PHF20L1: variants seen among roughly 807,000 people sequenced by gnomAD.
PHF20L1 encodes PHD finger protein 20 like 1.
A neutral mutation model predicts 125.5 loss-of-function variants in PHF20L1; 44 were observed. That is an observed-to-expected ratio of 0.35 (90% CI 0.28 to 0.45). The LOEUF is 0.45. Ranked by LOEUF, PHF20L1 falls within the 20% of genes least tolerant of loss-of-function variation. The pLI, the probability that PHF20L1 is intolerant of heterozygous loss-of-function variation, is 1.00. For synonymous variants in PHF20L1, 380 were observed against 403.1 expected (o/e 0.94, Z 0.69); for missense variants, 1,012 against 1,217.2 (o/e 0.83, Z 2.51).
chr8:132,789,322 A>G (rs1218851207), intron 2 of PHF20L1, among the ~76,000 whole-genome samples: 2 of 152,132 alleles, frequency 1.3e-5, no homozygotes, highest in South Asian at 2.1e-4. Context: ...AGATAATGCA[A>G]TAATATGCTA....
chr8:132,814,600 C>A, intron 9 of PHF20L1, 37 bp from the exon 10 acceptor site: 2 of 1,432,336 alleles, frequency 1.4e-6, no homozygotes, highest in Non-Finnish European at 1.9e-6. Flanking sequence ...AATGAAGAAG[C>A]CAAAATAAAA....
At chr8:132,802,577 G>T (rs1833204712) in intron 6 of PHF20L1, among the ~76,000 whole-genome samples, 1 of 151,740 alleles carries the variant, frequency 6.6e-6, no homozygotes, top group Non-Finnish European at 1.5e-5. Context: ...GCGGTCGCTT[G>T]AATGCTTAGC....
intron 15 of PHF20L1, among the ~76,000 whole-genome samples, chr8:132,836,041 A>G (rs1192937903): frequency 1.3e-5 from 2 of 152,044 alleles, no homozygotes; most frequent in Admixed American, 1.3e-4. Flanking sequence ...TTATTAATCC[A>G]AAAAAGAAAG....
At chr8:132,816,310 A>G (rs1834974491) in intron 10 of PHF20L1, 1 of 151,612 alleles carries the variant, frequency 6.6e-6, no homozygotes, top group Non-Finnish European at 1.5e-5. Context: ...TAAGTATACA[A>G]AGTTGTTTTT....
Position 132,824,016 on chromosome 8 carries a change from C to A in PHF20L1, c.1592C>A (p.Thr531Lys). 1.3e-6 allele frequency: 2 copies of A among 1,593,646 alleles called. No homozygotes were observed. The highest frequency in any genetic ancestry group is 1.7e-6 in the Non-Finnish European group (2 of 1,166,068). ...GAPAAAGISK[T>K]EKKVKLEDKS... ...CCCTAACCCACAGGAATATCGAAAA[C>A]AGAAAAAAAAGTGAAATTGGAAGAC... is the stretch of plus-strand genomic sequence containing the variant. Residue 531 changes from threonine to lysine, a missense_variant, in exon 13 of 21, where the codon ACA (threonine) becomes AAA (lysine). Thr to Lys is a moderately conservative substitution (Grantham distance 78). Around this residue, in one of 7 missense-constraint regions of PHF20L1, gnomAD observed 320 missense variants for 293.8 expected, o/e 1.09. Coordinates refer to ENST00000395386, the MANE Select transcript of PHF20L1 (RefSeq NM_016018.5).
chr8:132,810,930 A>G (rs1409381528), intron 8 of PHF20L1, 116 bp from the exon 9 acceptor site: 4 of 712,316 alleles, frequency 5.6e-6, no homozygotes, highest in Admixed American at 4.1e-5. Flanking sequence ...ATTTGAGATT[A>G]CTTCCTACGT....
chr8:132,842,527 T>G lies in PHF20L1; in HGVS notation c.2400T>G (p.His800Gln). 1.2e-6 allele frequency: 2 copies of G among 1,602,966 alleles called. No individual in the cohort carries two copies. Among genetic ancestry groups the G allele is most frequent in the Non-Finnish European group, 1.7e-6 (2 of 1,176,852 alleles). ...ACTTTGTTTTAAGGAATAAACATCA[T>G]CCTGACCTTCATCTCTGGGCTTGTT... ...LKIGILKNKH[H>Q]PDLHLWACSG... Residue 800 changes from histidine to glutamine, a missense_variant, in exon 19 of 21, where the codon CAT (histidine) becomes CAG (glutamine). His to Gln is a conservative substitution (Grantham distance 24). Around this residue, in one of 7 missense-constraint regions of PHF20L1, gnomAD observed 277 missense variants for 283.6 expected, o/e 0.98. Transcript: ENST00000395386.
intron 12 of PHF20L1, among the ~76,000 whole-genome samples, chr8:132,819,964 T>C (rs770693435): frequency 1.3e-5 from 2 of 151,926 alleles, no homozygotes; most frequent in Non-Finnish European, 2.9e-5. Context: ...CTGTTGAGTT[T>C]AGCATTTGAT....
At chr8:132,823,931 T>G (rs1835873519) in intron 12 of PHF20L1, 73 bp from the exon 13 acceptor site, 3 of 839,486 alleles carry the variant, frequency 3.6e-6, no homozygotes, top group South Asian at 3.3e-5. Context: ...TATGAGCAAT[T>G]GTAATGTAAA....
rs756032253 is a variant in PHF20L1, at chr8:132,842,769, G to T, written c.2642G>T (p.Ser881Ile). The change falls in exon 19 of 21, where the codon AGC becomes ATC. Residue 881 changes from serine to isoleucine, a missense_variant. By Grantham distance (142) the Ser-to-Ile change is moderately radical. Coordinates refer to ENST00000395386, the MANE Select transcript of PHF20L1 (RefSeq NM_016018.5). ...TGTAAATCTCTCGCAGACCCTGGGA[G>T]CTCAGATGATGATGATGTTAGTAGT... ...QDCKSLADPG[S>I]SDDDDVSSLE... The T allele has an allele frequency of 4.5e-5, 73 of 1,613,254 alleles. No individual in the cohort carries two copies. Among genetic ancestry groups the T allele is most frequent in the Non-Finnish European group, 6.0e-5 (71 of 1,179,582 alleles).
chr8:132,779,081 G>T (rs1452505135), intron 2 of PHF20L1, among the ~76,000 whole-genome samples: 4 of 152,162 alleles, frequency 2.6e-5, no homozygotes, highest in African/African-American at 7.2e-5. Flanking sequence ...GTTAGAGCTT[G>T]GCACATATCT....
intron 8 of PHF20L1, chr8:132,807,760 T>C (rs1197984765): frequency 2.2e-6 from 1 of 455,778 alleles, no homozygotes; most frequent in East Asian, 6.9e-5. Flanking sequence ...TAATATAGAA[T>C]ACTGGAAGGT....
At position 132,825,620 on chromosome 8, in the gene PHF20L1, T is replaced by C. The variant is rs367706847; in HGVS notation, c.1744+249T>C. On this transcript the variant is annotated intron_variant, in intron 14 of 20. Transcript: ENST00000395386. Reference sequence around the variant, plus strand: ...TTAGACATTTTTCCTTCCAGCATTATGGTAGACTCGATGCCCTGACCAAGC... The same window carrying C: ...TTAGACATTTTTCCTTCCAGCATTACGGTAGACTCGATGCCCTGACCAAGC... 5.4e-4 allele frequency among the ~76,000 whole-genome samples: 82 copies of C among 152,194 alleles called. 1 individual carries two copies. Among genetic ancestry groups the C allele is most frequent in the African/African-American group, 1.9e-3 (80 of 41,556 alleles).
intron 9 of PHF20L1, chr8:132,812,201 T>G: frequency 2.0e-6 from 2 of 978,894 alleles, no homozygotes; most frequent in Non-Finnish European, 2.4e-6. Flanking sequence ...TTACTGTGTA[T>G]TACTATATTC....
intron 20 of PHF20L1, among the ~76,000 whole-genome samples, chr8:132,845,559 A>G (rs933151259): frequency 6.6e-6 from 1 of 152,050 alleles, no homozygotes; most frequent in African/African-American, 2.4e-5. Flanking sequence ...TAAAGGGGAA[A>G]ATTATCTTAA....
In PHF20L1 at chr8:132,782,797, C is replaced by T. The variant is rs143406105; in HGVS notation, c.83+4886C>T. On this transcript the variant is annotated intron_variant, in intron 2 of 20. Coordinates refer to ENST00000395386, the MANE Select transcript of PHF20L1 (RefSeq NM_016018.5). ...CTTTTTTTTTTTTTGGTAGAGAAAG[C>T]GATCTCTCTGTGTTGCCCAGGCTGG... Among the ~76,000 whole-genome samples the T allele has an allele frequency of 4.5e-3, 678 of 150,350 alleles. 6 individuals carry two copies. The highest frequency in any genetic ancestry group is 0.016 in the African/African-American group (653 of 40,998).
At chr8:132,778,833 C>G (rs1830110316) in intron 2 of PHF20L1, among the ~76,000 whole-genome samples, 1 of 152,186 alleles carries the variant, frequency 6.6e-6, no homozygotes, top group South Asian at 2.1e-4. Context: ...GCTGCCTTTG[C>G]TCCTCCTGAA....
intron 8 of PHF20L1, chr8:132,808,536 G>A (rs1456342513): frequency 1.3e-5 from 2 of 152,096 alleles, no homozygotes; most frequent in East Asian, 3.9e-4. Context: ...TGTTTGAATA[G>A]TCCTTAGAAA....
At position 132,800,828 on chromosome 8, in the gene PHF20L1, G is replaced by T. The variant is rs1313952970; in HGVS notation, c.507+1656G>T. ...TTAAAGAGCTTTTAATATTACAGTG[G>T]GTGCAATGTGAGCTGTAGTCCTTCT... On this transcript the variant is annotated intron_variant, in intron 6 of 20. Coordinates refer to ENST00000395386, the MANE Select transcript of PHF20L1 (RefSeq NM_016018.5). Among the ~76,000 whole-genome samples, 8 of 151,404 alleles carry T rather than the reference G, an allele frequency of 5.3e-5. No individual in the cohort carries two copies. In the Admixed American group the frequency reaches 5.3e-4, roughly 10 times the overall value.
Sources: allele counts gnomAD v4.1 joint callset (sites outside exome capture counted in the v4.1 genomes callset), GRCh38; gene constraint gnomAD v4.1.1; regional missense constraint gnomAD v4.1.1; transcripts MANE v1.5; gene names NCBI Gene and HGNC (gene_info 2026-07-23, HGNC 2026-07-21).